The following TMBIM4 variants were observed in gnomAD, a reference collection of about 807,000 sequenced individuals.
TMBIM4 encodes protein lifeguard 4.
Under a neutral mutation model 27.7 loss-of-function variants are expected in TMBIM4, and 28 were observed. That is an observed-to-expected ratio of 1.01 (90% confidence interval 0.75 to 1.38). The LOEUF (loss-of-function observed/expected upper bound fraction) is 1.38, where lower values mean the gene tolerates loss of function less well. TMBIM4 is among the 40% of genes most tolerant of loss of function. The probability of loss-of-function intolerance (pLI) is 0.00; values close to 1 mark genes in which losing one functional copy is unlikely to be tolerated. For missense variants in TMBIM4, 265 were observed against 277.5 expected, an observed-to-expected ratio of 0.95 and a Z score of 0.32; for synonymous variants, 115 against 113.1, an observed-to-expected ratio of 1.02 and a Z score of -0.11.
chr12:66,165,591 C>T (rs1204269945), intron 1 of TMBIM4, among the ~76,000 whole-genome samples: 1 of 152,072 alleles, frequency 6.6e-6, no homozygotes, highest in Non-Finnish European at 1.5e-5. Flanking sequence ...CCTTGTGAAT[C>T]TTCTTTAGTG....
intron 3 of TMBIM4, among the ~76,000 whole-genome samples, chr12:66,148,368 TTC>T (rs1185592936): frequency 6.6e-6 from 1 of 152,168 alleles, no homozygotes; most frequent in South Asian, 2.1e-4. Context: ...CCAATATTCA[TTC>T]TCTCTTTCTT....
At chr12:66,151,794 T>C (rs1032096586) in intron 3 of TMBIM4, among the ~76,000 whole-genome samples, 1 of 152,150 alleles carries the variant, frequency 6.6e-6, no homozygotes, top group African/African-American at 2.4e-5. Context: ...TGCACATAAT[T>C]TGAGCAAAAT....
chr12:66,167,605 C>A (rs145036857), intron 1 of TMBIM4, among the ~76,000 whole-genome samples: 2 of 152,240 alleles, frequency 1.3e-5, no homozygotes, highest in Non-Finnish European at 2.9e-5. Flanking sequence ...AAGAAAAGAA[C>A]GGAATGTGTT....
At chr12:66,146,732 T>TG (rs1425968328) in intron 4 of TMBIM4, among the ~76,000 whole-genome samples, 1 of 122 alleles carries the variant, frequency 8.2e-3, no homozygotes, top group Non-Finnish European at 0.014. Flanking sequence ...TAATTTTTAA[T>TG]TTTTCAGGGG....
chr12:66,169,405 G>A (rs1428137775), intron 1 of TMBIM4: 2 of 576,096 alleles, frequency 3.5e-6, no homozygotes, highest in Non-Finnish European at 3.1e-6. Flanking sequence ...GCACAGGACG[G>A]TAAATATAAG....
chr12:66,145,166 A>G (rs2051731394), intron 5 of TMBIM4, among the ~76,000 whole-genome samples: 1 of 152,172 alleles, frequency 6.6e-6, no homozygotes, highest in Non-Finnish European at 1.5e-5. Flanking sequence ...ATCTCAATAG[A>G]GACTTCTGGT....
Position 66,137,939 on chromosome 12 carries a change from G to A in TMBIM4, c.*21C>T, listed in dbSNP as rs763142045. On this transcript the variant is annotated 3_prime_UTR_variant, in exon 7 of 7. Coordinates refer to ENST00000358230, the MANE Select transcript of TMBIM4 (RefSeq NM_016056.4). Reference sequence around the variant, plus strand: ...ATTAAATTTTTTTTGTTGTTCTTCAGTTGAGCTGAGATACTTTTAATTACT... The same window carrying A: ...ATTAAATTTTTTTTGTTGTTCTTCAATTGAGCTGAGATACTTTTAATTACT... 1.2e-6 allele frequency: 2 copies of A among 1,605,602 alleles called. No individual in the cohort carries two copies. Among genetic ancestry groups the A allele is most frequent in the African/African-American group, 2.7e-5 (2 of 74,520 alleles).
intron 1 of TMBIM4, among the ~76,000 whole-genome samples, chr12:66,153,896 C>G (rs2051892548): frequency 1.3e-5 from 2 of 152,094 alleles, no homozygotes; most frequent in Admixed American, 1.3e-4. Flanking sequence ...CCAAATGAAA[C>G]TTATCCTGAA....
At chr12:66,169,107 T>G (rs1200736456) in intron 1 of TMBIM4, 2 of 570,094 alleles carry the variant, frequency 3.5e-6, no homozygotes, top group Non-Finnish European at 6.2e-6. Flanking sequence ...TATCTTCATC[T>G]TTCCTTTTCC....
chr12:66,138,635 C>A, intron 6 of TMBIM4, 89 bp downstream of exon 6: 1 of 901,210 alleles, frequency 1.1e-6, no homozygotes, highest in Non-Finnish European at 1.7e-6. Context: ...AGTGTCCTAT[C>A]ATAAGAGTAT....
intron 1 of TMBIM4, among the ~76,000 whole-genome samples, chr12:66,157,615 G>A (rs1411081746): frequency 6.6e-6 from 1 of 152,188 alleles, no homozygotes; most frequent in Non-Finnish European, 1.5e-5. Context: ...GGCAATAGAT[G>A]AAAGCTGGCA....
intron 2 of TMBIM4, 57 bp downstream of exon 2, chr12:66,153,283 G>A: frequency 1.0e-6 from 1 of 997,302 alleles, no homozygotes. Context: ...TTTATAATAT[G>A]CCTTTTTGAT....
rs564729185 is a variant in TMBIM4, at chr12:66,142,439, C to A, written c.464+3402G>T. On this transcript the variant is annotated intron_variant, in intron 5 of 6. Transcript: ENST00000358230. ...TGCAGGCTAACAAGTTAGCCTGGCA[C>A]AGTTTCATGGATGCATCAAGCTCCT... Among the ~76,000 whole-genome samples the A allele has an allele frequency of 3.3e-5, 5 of 149,896 alleles. No homozygotes were observed. The South Asian group carries it at 8.6e-4, about 26-fold the overall frequency.
chr12:66,144,792 A>G (rs2051724806), intron 5 of TMBIM4: 1 of 152,200 alleles, frequency 6.6e-6, no homozygotes, highest in African/African-American at 2.4e-5. Context: ...AACAGCAGAC[A>G]CAGACAGACG....
At chr12:66,167,673 T>C (rs1479134576) in intron 1 of TMBIM4, among the ~76,000 whole-genome samples, 3 of 152,214 alleles carry the variant, frequency 2.0e-5, no homozygotes, top group African/African-American at 4.8e-5. Context: ...TGTAAAATGA[T>C]GTAGCCCCTA....
At chr12:66,153,018 C>T (rs2051874278) in intron 2 of TMBIM4, among the ~76,000 whole-genome samples, 1 of 151,958 alleles carries the variant, frequency 6.6e-6, no homozygotes, top group African/African-American at 2.4e-5. Context: ...CAAGTACTGT[C>T]TTAGGCTTTG....
rs979278975 is a variant in TMBIM4 at position 66,136,397 on chromosome 12, A to G, written c.*1563T>C. ...TAATAAAGTCAAATTTACATCTACA[A>G]ATCATGCAAGCTTAAATTGATACTA... On this transcript the variant is annotated 3_prime_UTR_variant, in exon 7 of 7. Coordinates refer to ENST00000358230, the MANE Select transcript of TMBIM4 (RefSeq NM_016056.4). 6.5e-6 allele frequency: 1 copy of G among 154,294 alleles called. No homozygotes were observed. Among genetic ancestry groups the G allele is most frequent in the African/African-American group, 2.4e-5 (1 of 41,524 alleles). The allele number at this position is 154,294 out of a possible 1,614,324, so 9.6% of individuals were successfully genotyped here.
chr12:66,161,355 C>A (rs938734567), intron 1 of TMBIM4, among the ~76,000 whole-genome samples: 7 of 152,196 alleles, frequency 4.6e-5, no homozygotes, highest in Admixed American at 3.9e-4. Flanking sequence ...ATTCTCCTGT[C>A]TCAGCCTCCT....
rs2136839181 is a variant in TMBIM4 at position 66,137,181 on chromosome 12, T to C, written c.*779A>G. 6.6e-6 allele frequency: 1 copy of C among 152,334 alleles called. No homozygotes were observed. The highest frequency in any genetic ancestry group is 6.5e-5 in the Admixed American group (1 of 15,302). The allele number at this position is 152,334 out of a possible 1,614,324, so 9.4% of individuals were successfully genotyped here. On this transcript the variant is annotated 3_prime_UTR_variant, in exon 7 of 7. Coordinates refer to ENST00000358230, the MANE Select transcript of TMBIM4 (RefSeq NM_016056.4). ...TGAATAATTCTCTGTGGAATTTATC[T>C]TTTACATTTTTTTCCTTTTAAGCAA... is the stretch of plus-strand genomic sequence containing the variant.
Sources: gnomAD v4.1 joint callset for allele counts (sites outside exome capture counted in the v4.1 genomes callset) on GRCh38, gnomAD v4.1.1 for gene constraint, MANE v1.5 for transcripts, NCBI Gene and HGNC (gene_info 2026-07-23, HGNC 2026-07-21) for gene names.